UPP1: variants seen among roughly 807,000 people sequenced by gnomAD.
UPP1 encodes uridine phosphorylase 1.
A neutral mutation model predicts 29.6 loss-of-function variants in UPP1; 25 were observed. The observed-to-expected ratio is 0.85, with a 90% CI of 0.62 to 1.18. The LOEUF (loss-of-function observed/expected upper bound fraction) is 1.18, where lower values mean the gene tolerates loss of function less well. Ranked by LOEUF, UPP1 falls within the 50% of genes most tolerant of loss-of-function variation. UPP1 has a pLI of 0.00. For missense variants in UPP1, 368 were observed against 410.4 expected (o/e 0.90, Z 0.89); for synonymous variants, 165 against 159.8 (o/e 1.03, Z -0.25).
intron 3 of UPP1, among the ~76,000 whole-genome samples, chr7:48,099,087 C>T (rs1183584361): frequency 1.3e-5 from 2 of 152,174 alleles, no homozygotes; most frequent in Non-Finnish European, 2.9e-5. Context: ...TTGCTCTAGA[C>T]CAGCATGTGC....
intron 6 of UPP1, 72 bp downstream of exon 6, chr7:48,103,483 A>G (rs1792549188): frequency 7.8e-7 from 1 of 1,290,152 alleles, no homozygotes; most frequent in Non-Finnish European, 1.1e-6. Flanking sequence ...CAGCTTCTAC[A>G]TGGTGTGGCA....
rs1792534111 is a variant in UPP1, at chr7:48,103,294, C to T, written c.322-3C>T. On this transcript the variant is annotated splice_polypyrimidine_tract_variant and splice_region_variant and intron_variant, in intron 5 of 8. Transcript: ENST00000395564. ...TAACATGGGTGTTTCTCCCTGGTTC[C>T]AGCATGGTATGGGCATTCCTTCTAT... The T allele has an allele frequency of 3.7e-6, 6 of 1,612,870 alleles. No homozygotes were observed. The highest frequency in any genetic ancestry group is 5.1e-6 in the Non-Finnish European group (6 of 1,178,992).
At position 48,103,368 on chromosome 7, in the gene UPP1, C is replaced by A. The variant is rs1792540223; in HGVS notation, c.393C>A (p.Cys131Ter). 2.5e-6 allele frequency: 4 copies of A among 1,613,894 alleles called. No individual in the cohort carries two copies. In the Admixed American group the frequency reaches 6.7e-5, roughly 27 times the overall value. ...TAAAGCTGCTGTACTATGCCCGGTG[C>A]TCCAACGTCACTATCATCCGCATTG... is the stretch of plus-strand genomic sequence containing the variant. ...ELIKLLYYAR[C>*]SNVTIIRIGT... is the part of the protein sequence containing the mutation. The change falls in exon 6 of 9, where the codon TGC (cysteine) becomes TGA (stop). Residue 131 changes from cysteine to a stop codon, truncating the protein, a stop_gained. Transcript: ENST00000395564. LOFTEE classifies it high-confidence loss of function.
Position 48,102,002 on chromosome 7 carries a change from T to C in UPP1, c.321+20T>C. On this transcript the variant is annotated intron_variant, in intron 5 of 8. Transcript: ENST00000395564. ...GTCAGTGTGAGTACCTGCCTTCCCT[T>C]GTGCTCAGTCTCTAGGCTCTGCAAC... is the stretch of plus-strand genomic sequence containing the variant. 6.2e-7 allele frequency: 1 copy of C among 1,610,054 alleles called. No individual in the cohort carries two copies. Among genetic ancestry groups the C allele is most frequent in the Non-Finnish European group, 8.5e-7 (1 of 1,177,458 alleles).
intron 8 of UPP1, 97 bp downstream of exon 8, chr7:48,107,604 TA>T: frequency 7.0e-7 from 1 of 1,423,430 alleles, no homozygotes. Context: ...GGCACCCCGA[TA>T]CCCATTTCTG....
Position 48,103,408 on chromosome 7 carries a change from A to C in UPP1, c.433A>C (p.Ile145Leu). The stretch of plus-strand genomic sequence containing the variant: ...CATCCGCATTGGCACTTCTGGTGGG[A>C]TAGGTAAGGTCTGCAGAGGGGCCTC... ...TIIRIGTSGG[I>L]GLEPGTVVIT... The change falls in exon 6 of 9, where the codon ATA becomes CTA. Residue 145 changes from isoleucine (I) to leucine (L), a missense_variant. By Grantham distance (5) the Ile-to-Leu change is conservative. Transcript: ENST00000395564. 1 of 1,613,330 alleles carries C rather than the reference A, an allele frequency of 6.2e-7. No homozygotes were observed. The highest frequency in any genetic ancestry group is 1.3e-5 in the African/African-American group (1 of 74,984).
At chr7:48,088,881 G>C (rs940053658), upstream of UPP1, 16 of 152,394 alleles carry the variant, frequency 1.0e-4, no homozygotes, top group African/African-American at 2.9e-4. Flanking sequence ...TCCTAGAGCC[G>C]CTTCTAGCCC....
chr7:48,104,900 A>T (rs1792644913), intron 6 of UPP1: 1 of 152,232 alleles, frequency 6.6e-6, no homozygotes, highest in African/African-American at 2.4e-5. Context: ...TTCTGGAGGG[A>T]GTAGTATAGA....
At chr7:48,100,302 T>C (rs2128812783) in intron 4 of UPP1, among the ~76,000 whole-genome samples, 1 of 152,362 alleles carries the variant, frequency 6.6e-6, no homozygotes, top group South Asian at 2.1e-4. Context: ...CTGGGACCGC[T>C]GTTGTGTATA....
intron 5 of UPP1, 141 bp downstream of exon 5, chr7:48,102,123 G>A (rs1409037946): frequency 1.0e-6 from 1 of 968,568 alleles, no homozygotes; most frequent in Non-Finnish European, 1.5e-6. Context: ...ACAGTAGCTG[G>A]GATTCAGAGA....
In UPP1 at chr7:48,103,324, A is replaced by G. The variant is rs771684665; in HGVS notation, c.349A>G (p.Ile117Val). The change falls in exon 6 of 9, where the codon ATC becomes GTC. Residue 117 changes from isoleucine to valine, a missense_variant. Transcript: ENST00000395564. ...TGGTATGGGCATTCCTTCTATCTCA[A>G]TCATGTTGCATGAGCTCATAAAGCT... ...SHGMGIPSIS[I>V]MLHELIKLLY... The G allele has an allele frequency of 2.4e-5, 39 of 1,613,730 alleles. No individual in the cohort carries two copies. Among genetic ancestry groups the G allele is most frequent in the Admixed American group, 1.7e-4 (10 of 59,998 alleles).
At chr7:48,096,351 T>C (rs779271859) in intron 3 of UPP1, among the ~76,000 whole-genome samples, 2 of 152,208 alleles carry the variant, frequency 1.3e-5, no homozygotes, top group Non-Finnish European at 2.9e-5. Flanking sequence ...TAGTTTATAC[T>C]GAGAGTATTA....
upstream of UPP1, chr7:48,088,880 C>G (rs1001514200): frequency 2.0e-5 from 3 of 152,370 alleles, no homozygotes; most frequent in Admixed American, 6.5e-5. Flanking sequence ...GTCCTAGAGC[C>G]GCTTCTAGCC....
chr7:48,107,631 G>A (rs932771472), intron 8 of UPP1, 124 bp downstream of exon 8: 5 of 1,167,964 alleles, frequency 4.3e-6, no homozygotes, highest in Non-Finnish European at 5.9e-6. Flanking sequence ...TGTTTCCGCT[G>A]CCCCCAAGTC....
intron 8 of UPP1, 56 bp downstream of exon 8, chr7:48,107,563 T>G (rs1470078919): frequency 6.5e-7 from 1 of 1,530,560 alleles, no homozygotes; most frequent in African/African-American, 1.4e-5. Flanking sequence ...TCTGCTCTCC[T>G]GGAGCCCCTC....
At chr7:48,091,664 G>T (rs1013516711) in intron 2 of UPP1, among the ~76,000 whole-genome samples, 1 of 152,198 alleles carries the variant, frequency 6.6e-6, no homozygotes, top group East Asian at 1.9e-4. Context: ...CTCTGCCTAC[G>T]TGGGTGTGGT....
chr7:48,088,966 CAG>C (rs1420855675), upstream of UPP1: 1 of 152,280 alleles, frequency 6.6e-6, no homozygotes, highest in Non-Finnish European at 1.5e-5. Flanking sequence ...TAATGAGTAA[CAG>C]AACTGGCTGC....
At chr7:48,094,506 C>T (rs1792021244) in intron 2 of UPP1, among the ~76,000 whole-genome samples, 1 of 152,188 alleles carries the variant, frequency 6.6e-6, no homozygotes, top group African/African-American at 2.4e-5. Flanking sequence ...GACAGGTTCT[C>T]TGGAGGTGTG....
At chr7:48,089,612 C>T (rs935968919) in intron 1 of UPP1, 194 bp downstream of exon 1, 5 of 153,914 alleles carry the variant, frequency 3.2e-5, no homozygotes, top group South Asian at 4.0e-4. Flanking sequence ...CCGGGAGGTT[C>T]TGGGGCTGGT....
Sources: allele counts gnomAD v4.1 joint callset (sites outside exome capture counted in the v4.1 genomes callset), GRCh38; gene constraint gnomAD v4.1.1; transcripts MANE v1.5; gene names NCBI Gene and HGNC (gene_info 2026-07-23, HGNC 2026-07-21).